The following CDCP2 variants were observed in gnomAD, a reference collection of about 807,000 sequenced individuals.
CDCP2 encodes CUB domain containing protein 2, also known as CUB domain-containing protein 2.
In CDCP2, 31 loss-of-function variants were observed where a neutral mutation model predicts 31.0. The observed-to-expected ratio is 1.00, with a 90% CI of 0.75 to 1.35. The LOEUF is 1.35. Ranked by LOEUF, CDCP2 falls within the 40% of genes most tolerant of loss-of-function variation. The pLI, the probability that CDCP2 is intolerant of heterozygous loss-of-function variation, is 0.00. For synonymous variants in CDCP2, 206 were observed against 207.9 expected (o/e 0.99, Z 0.08); for missense variants, 443 against 482.6 (o/e 0.92, Z 0.77).
chr1:54,148,374 AAAAAAATTCACTTCAG>A (rs1413383731), intron 1 of CDCP2, among the ~76,000 whole-genome samples: 1 of 148,898 alleles, frequency 6.7e-6, no homozygotes, highest in Admixed American at 6.7e-5. Context: ...AAAAAAGAAA[AAAAAAATTCACTTCAG>A]CTGACTATTT....
At chr1:54,149,238 AT>A (rs1019721272) in intron 1 of CDCP2, among the ~76,000 whole-genome samples, 35 of 151,678 alleles carry the variant, frequency 2.3e-4, no homozygotes, top group African/African-American at 7.8e-4. Context: ...CTCTAAAAAA[AT>A]TTTTTTAAAT....
At chr1:54,146,468 C>G (rs1659473654) in intron 1 of CDCP2, among the ~76,000 whole-genome samples, 2 of 151,870 alleles carry the variant, frequency 1.3e-5, no homozygotes, top group Non-Finnish European at 2.9e-5. Flanking sequence ...GCATGAGCCA[C>G]CGCGCCCAGC....
chr1:54,139,962 T>TC lies in CDCP2; in HGVS notation c.907dup (p.Asp303GlyfsTer13). On this transcript the variant is annotated frameshift_variant, in exon 4 of 6. Transcript: ENST00000530059. LOFTEE classifies it high-confidence loss of function. ...GGTCAGGCTGTTGGGCTCCTCCAGG[T>TC]CCAGGTCCAGGAAGAACACCTTGAC... 1 of 1,614,136 alleles carries TC rather than the reference T, an allele frequency of 6.2e-7. No homozygotes were observed. Among genetic ancestry groups the TC allele is most frequent in the African/African-American group, 1.3e-5 (1 of 75,016 alleles).
intron 3 of CDCP2, 95 bp downstream of exon 3, chr1:54,141,002 CG>C: frequency 9.5e-7 from 1 of 1,049,744 alleles, no homozygotes; most frequent in Non-Finnish European, 1.3e-6. Context: ...CTCAAGGCTG[CG>C]GGGGGCAGAA....
rs1402480036 is a variant in CDCP2, at chr1:54,144,669, AAGGCATGGAAGGTG to A, written c.210_223del (p.Thr71Ter). 1.2e-6 allele frequency: 2 copies of A among 1,614,084 alleles called. No individual in the cohort carries two copies. The highest frequency in any genetic ancestry group is 1.6e-4 in the Middle Eastern group (1 of 6,084). ...GCAGGTGTCGTGGTACTCTAGGTCAAAGGCATGGAAGGTGAGCAGCACCGAGGATCCCTCGGCCA... is the reference window on the plus strand; with the variant it reads ...GCAGGTGTCGTGGTACTCTAGGTCAAAGCAGCACCGAGGATCCCTCGGCCA... On this transcript the variant is annotated frameshift_variant, in exon 2 of 6. Transcript: ENST00000530059. LOFTEE classifies it high-confidence loss of function.
At chr1:54,140,364 G>A in intron 3 of CDCP2, 1 of 546,934 alleles carries the variant, frequency 1.8e-6, no homozygotes, top group South Asian at 2.0e-5. Flanking sequence ...CACAGGTGTA[G>A]GCCCTGTTAG....
chr1:54,135,714 C>A (rs980821117), intron 5 of CDCP2, among the ~76,000 whole-genome samples: 1 of 152,128 alleles, frequency 6.6e-6, no homozygotes, highest in African/African-American at 2.4e-5. Context: ...CCAGGACTGG[C>A]CCCCTACCCT....
intron 5 of CDCP2, among the ~76,000 whole-genome samples, chr1:54,133,622 T>A (rs371545245): frequency 7.2e-5 from 11 of 152,100 alleles, no homozygotes; most frequent in Non-Finnish European, 1.5e-4. Flanking sequence ...TGTGGCCGGG[T>A]GCGGTGGCTC....
chr1:54,138,078 C>T (rs1659291424), intron 4 of CDCP2: 1 of 152,386 alleles, frequency 6.6e-6, no homozygotes, highest in South Asian at 2.1e-4. Flanking sequence ...GCACTCCTGC[C>T]CCGAAGCCCC....
chr1:54,146,489 T>A (rs1374975465), intron 1 of CDCP2, among the ~76,000 whole-genome samples: 1 of 151,852 alleles, frequency 6.6e-6, no homozygotes, highest in Non-Finnish European at 1.5e-5. Flanking sequence ...CTGAGAGATA[T>A]AAATTTAAAA....
At chr1:54,141,530 G>C in intron 2 of CDCP2, 97 bp from the exon 3 acceptor site, 1 of 1,077,652 alleles carries the variant, frequency 9.3e-7, no homozygotes, top group Non-Finnish European at 1.3e-6. Context: ...GCCCCCACAG[G>C]TATCTCATTA....
At chr1:54,139,831 T>C (rs754278498) in exon 4 of CDCP2, 1 of 1,614,128 alleles carries the variant, frequency 6.2e-7, no homozygotes, top group Non-Finnish European at 8.5e-7. Flanking sequence ...TGGTTGTGGC[T>C]TGAGGTCACG....
chr1:54,151,708 C>A (rs899587337), intron 1 of CDCP2, among the ~76,000 whole-genome samples: 1 of 152,148 alleles, frequency 6.6e-6, no homozygotes, highest in Non-Finnish European at 1.5e-5. Context: ...TGAGCCTTGC[C>A]GAAGGGTGAA....
exon 6 of CDCP2, chr1:54,133,242 G>A (rs778269085): frequency 5.0e-6 from 2 of 399,154 alleles, no homozygotes; most frequent in Non-Finnish European, 4.4e-6. Context: ...CCGCCCCGCG[G>A]CTGAGAAGTC....
In CDCP2 at chr1:54,149,633, C is replaced by G. The variant is rs1659541231; in HGVS notation, c.79+3211G>C. On this transcript the variant is annotated intron_variant, in intron 1 of 5. Coordinates refer to ENST00000530059, the Ensembl canonical transcript of CDCP2. ...CTCCCCAGCCCATGCTCCTTCTCTC[C>G]CTTTAGTGCTATATGCTTCTCCATA... Among the ~76,000 whole-genome samples the G allele has an allele frequency of 5.3e-5, 8 of 152,338 alleles. No individual in the cohort carries two copies. The South Asian group carries it at 1.7e-3, about 32-fold the overall frequency.
At chr1:54,139,758 A>G in exon 4 of CDCP2, 1 of 1,614,186 alleles carries the variant, frequency 6.2e-7, no homozygotes, top group Non-Finnish European at 8.5e-7. Context: ...CTGACCTCCG[A>G]TGTAGGCCAC....
intron 5 of CDCP2, among the ~76,000 whole-genome samples, chr1:54,133,976 G>A (rs981230826): frequency 6.6e-6 from 1 of 152,056 alleles, no homozygotes; most frequent in Admixed American, 6.6e-5. Context: ...CTTGCCTGAG[G>A]TCACACAGCA....
chr1:54,139,692 G>C, intron 4 of CDCP2, 61 bp downstream of exon 4: 1 of 1,614,124 alleles, frequency 6.2e-7, no homozygotes. Context: ...AGACTGCAAA[G>C]ACTGAGGCTG....
chr1:54,149,756 C>T (rs12057903), intron 1 of CDCP2, among the ~76,000 whole-genome samples: 1 of 152,150 alleles, frequency 6.6e-6, no homozygotes, highest in East Asian at 1.9e-4. Context: ...CTCTCCCTAC[C>T]GTATTGCAAG....
Sources: allele counts gnomAD v4.1 joint callset (sites outside exome capture counted in the v4.1 genomes callset), GRCh38; gene constraint gnomAD v4.1.1; transcripts MANE v1.5; gene names NCBI Gene and HGNC (gene_info 2026-07-23, HGNC 2026-07-21).